Variants in SLC7A1 observed in about 807,000 individuals in gnomAD.
SLC7A1 encodes high affinity cationic amino acid transporter 1.
Under a neutral mutation model 53.9 loss-of-function variants are expected in SLC7A1, and 10 were observed. That is an observed-to-expected ratio of 0.19 (90% confidence interval 0.11 to 0.31). The LOEUF (loss-of-function observed/expected upper bound fraction) is 0.31, where lower values mean the gene tolerates loss of function less well. Ranked by LOEUF, SLC7A1 falls within the 10% of genes least tolerant of loss-of-function variation. SLC7A1 has a pLI of 1.00. For missense variants in SLC7A1, 525 were observed against 827.2 expected (o/e 0.63, Z 4.48); for synonymous variants, 342 against 338.7 (o/e 1.01, Z -0.11).
At chr13:29,573,350 C>T (rs1047897229) in intron 1 of SLC7A1, among the ~76,000 whole-genome samples, 1 of 152,046 alleles carries the variant, frequency 6.6e-6, no homozygotes, top group Admixed American at 6.5e-5. Flanking sequence ...CACGTGTTGC[C>T]GGGAGTGAGA....
chr13:29,533,412 G>T (rs1207273248), intron 3 of SLC7A1, among the ~76,000 whole-genome samples: 1 of 152,144 alleles, frequency 6.6e-6, no homozygotes, highest in Non-Finnish European at 1.5e-5. Flanking sequence ...CAGTCTGGAG[G>T]AATGCTGCTT....
intron 2 of SLC7A1, among the ~76,000 whole-genome samples, chr13:29,542,183 G>A (rs772587177): frequency 2.6e-5 from 4 of 152,310 alleles, no homozygotes; most frequent in Admixed American, 6.5e-5. Flanking sequence ...GGCCAGGCGC[G>A]GTGGCTCACA....
chr13:29,554,123 T>C (rs994076645), intron 1 of SLC7A1, among the ~76,000 whole-genome samples: 1 of 152,160 alleles, frequency 6.6e-6, no homozygotes, highest in Admixed American at 6.5e-5. Flanking sequence ...CTGACTCTCA[T>C]ATTTCAAAGA....
At chr13:29,582,198 G>A (rs1182909271) in intron 1 of SLC7A1, among the ~76,000 whole-genome samples, 1 of 152,238 alleles carries the variant, frequency 6.6e-6, no homozygotes, top group Non-Finnish European at 1.5e-5. Context: ...AATTATCCCT[G>A]ATGGCAGTAG....
At chr13:29,519,301 C>A in intron 9 of SLC7A1, 146 bp downstream of exon 9, 1 of 544,484 alleles carries the variant, frequency 1.8e-6, no homozygotes, top group Non-Finnish European at 3.3e-6. Flanking sequence ...GCTCTCAACC[C>A]AGGTCCTCCC....
intron 1 of SLC7A1, among the ~76,000 whole-genome samples, chr13:29,579,826 G>A (rs1871565157): frequency 6.6e-6 from 1 of 152,152 alleles, no homozygotes; most frequent in African/African-American, 2.4e-5. Flanking sequence ...ATTTTTACAA[G>A]AGCCATTCTG....
At chr13:29,531,868 C>T (rs954713236) in intron 4 of SLC7A1, among the ~76,000 whole-genome samples, 5 of 152,150 alleles carry the variant, frequency 3.3e-5, no homozygotes, top group African/African-American at 1.2e-4. Flanking sequence ...ATAAAAACTG[C>T]TGTACTTTTG....
chr13:29,592,543 A>G (rs1221406917), intron 1 of SLC7A1, among the ~76,000 whole-genome samples: 1 of 152,190 alleles, frequency 6.6e-6, no homozygotes, highest in Non-Finnish European at 1.5e-5. Flanking sequence ...TGGTAATTCC[A>G]TTTGGAAATG....
rs557103600 is a variant in SLC7A1, at chr13:29,530,666, T to C, written c.576A>G (p.Ile192Met). Reference sequence around the variant, plus strand: ...GGACCAGGACGTTAATACAAGTGAATATTTTGTTGACCATGGCCGACTCTT... The same window carrying C: ...GGACCAGGACGTTAATACAAGTGAACATTTTGTTGACCATGGCCGACTCTT... ...GVKESAMVNK[I>M]FTCINVLVLG... Residue 192 changes from isoleucine to methionine, a missense_variant, in exon 5 of 13, where the codon ATA becomes ATG. Coordinates refer to ENST00000380752, the MANE Select transcript of SLC7A1 (RefSeq NM_003045.5). The C allele has an allele frequency of 6.2e-7, 1 of 1,614,184 alleles. No individual in the cohort carries two copies. The highest frequency in any genetic ancestry group is 1.1e-5 in the South Asian group (1 of 91,078).
chr13:29,537,630 T>C (rs1869484824), intron 2 of SLC7A1, among the ~76,000 whole-genome samples: 1 of 152,114 alleles, frequency 6.6e-6, no homozygotes, highest in South Asian at 2.1e-4. Flanking sequence ...TAATGGGAAA[T>C]GGTGAGGGGC....
At chr13:29,565,940 C>T (rs1232865949) in intron 1 of SLC7A1, among the ~76,000 whole-genome samples, 1 of 152,214 alleles carries the variant, frequency 6.6e-6, no homozygotes, top group African/African-American at 2.4e-5. Flanking sequence ...TGTCTAGACT[C>T]TCACACCTCT....
rs149645908 is a variant in SLC7A1 at position 29,550,815 on chromosome 13, T to A, written c.-15+2946A>T. Among the ~76,000 whole-genome samples, 9 of 152,322 alleles carry A rather than the reference T, an allele frequency of 5.9e-5. No homozygotes were observed. The East Asian group carries it at 1.7e-3, about 29-fold the overall frequency. On this transcript the variant is annotated intron_variant, in intron 2 of 12. Coordinates refer to ENST00000380752, the MANE Select transcript of SLC7A1 (RefSeq NM_003045.5). ...ACAGAAACATTGAGAAAGTAAGATG[T>A]GTGTTGTTTTAAGCCAGAGAAACAG...
chr13:29,542,150 G>T (rs916689500), intron 2 of SLC7A1, among the ~76,000 whole-genome samples: 1 of 152,140 alleles, frequency 6.6e-6, no homozygotes, highest in Non-Finnish European at 1.5e-5. Context: ...TGTGCAAAGC[G>T]TCACTAAAGA....
intron 1 of SLC7A1, among the ~76,000 whole-genome samples, chr13:29,594,198 A>G (rs906271909): frequency 6.6e-6 from 1 of 152,266 alleles, no homozygotes; most frequent in African/African-American, 2.4e-5. Context: ...TTCGAATTAA[A>G]TACAATTAGG....
chr13:29,545,233 A>G (rs913386588), intron 2 of SLC7A1, among the ~76,000 whole-genome samples: 4 of 152,202 alleles, frequency 2.6e-5, no homozygotes, highest in African/African-American at 9.7e-5. Flanking sequence ...ATTAAAATCT[A>G]AAGCAACAGT....
intron 2 of SLC7A1, among the ~76,000 whole-genome samples, chr13:29,543,112 A>C (rs781063839): frequency 5.3e-5 from 8 of 152,148 alleles, no homozygotes; most frequent in African/African-American, 1.9e-4. Flanking sequence ...GAAAGCACAG[A>C]GTGGTGGGGT....
rs1871893622 is a variant in SLC7A1 at position 29,586,586 on chromosome 13, A to G, written c.-115+8830T>C. The G allele has an allele frequency of 2.0e-5, 3 of 152,236 alleles. No individual in the cohort carries two copies. The South Asian group carries it at 6.2e-4, about 31-fold the overall frequency. The allele number at this position is 152,236 out of a possible 1,614,324, so 9.4% of individuals were successfully genotyped here. A position where few individuals can be genotyped will look rare whatever the true frequency, so the allele number is the denominator to read the frequency against. On this transcript the variant is annotated intron_variant, in intron 1 of 12. Coordinates refer to ENST00000380752, the MANE Select transcript of SLC7A1 (RefSeq NM_003045.5). ...CATAGTATTCTAACATGGAAATGGT[A>G]TCATGATTTACTGAAAGACACTCCC...
intron 2 of SLC7A1, among the ~76,000 whole-genome samples, chr13:29,550,953 A>G (rs148772945): frequency 1.2e-3 from 182 of 152,328 alleles, no homozygotes; most frequent in African/African-American, 4.0e-3. Context: ...TCTTTAATAC[A>G]TTGCTTCAAT....
chr13:29,564,262 C>G (rs781402326), intron 1 of SLC7A1, among the ~76,000 whole-genome samples: 15 of 152,128 alleles, frequency 9.9e-5, no homozygotes, highest in Admixed American at 8.5e-4. Flanking sequence ...GTTATAGGCC[C>G]ACTGACAATA....
Sources: allele counts gnomAD v4.1 joint callset (sites outside exome capture counted in the v4.1 genomes callset), GRCh38; gene constraint gnomAD v4.1.1; transcripts MANE v1.5; gene names NCBI Gene and HGNC (gene_info 2026-07-23, HGNC 2026-07-21).